The following CNTN4 variants were observed in gnomAD, a reference collection of about 807,000 sequenced individuals.
CNTN4 encodes the protein contactin-4.
In CNTN4, 77 loss-of-function variants were observed where a neutral mutation model predicts 122.5. The observed-to-expected ratio is 0.63, with a 90% confidence interval of 0.52 to 0.76. The LOEUF (loss-of-function observed/expected upper bound fraction) is 0.76, where lower values mean the gene tolerates loss of function less well. Among genes scored for constraint, CNTN4 ranks in the 30% least tolerant of loss-of-function variants. The pLI is 0.00. For synonymous variants in CNTN4, 512 were observed against 447.0 expected (o/e 1.15, Z -1.83); for missense variants, 1,256 against 1,259.1 (o/e 1.00, Z 0.04).
intron 3 of CNTN4, among the ~76,000 whole-genome samples, chr3:2,429,872 C>T (rs1279363003): frequency 6.6e-6 from 1 of 152,146 alleles, no homozygotes; most frequent in South Asian, 2.1e-4. Flanking sequence ...GGGCATGGGA[C>T]CCTCCAAGCC....
chr3:2,623,677 C>G (rs531242705), intron 4 of CNTN4, among the ~76,000 whole-genome samples: 1 of 152,088 alleles, frequency 6.6e-6, no homozygotes, highest in Non-Finnish European at 1.5e-5. Context: ...AGCATAGAAA[C>G]CACTGTAGTA....
chr3:2,198,806 G>T (rs1306648455), intron 2 of CNTN4, among the ~76,000 whole-genome samples: 1 of 151,940 alleles, frequency 6.6e-6, no homozygotes, highest in Non-Finnish European at 1.5e-5. Flanking sequence ...AGTCATTATT[G>T]TCACAGATCC....
chr3:2,566,816 G>T (rs1264305329), intron 3 of CNTN4, among the ~76,000 whole-genome samples: 1 of 152,164 alleles, frequency 6.6e-6, no homozygotes, highest in Non-Finnish European at 1.5e-5. Context: ...GAAGAACTCA[G>T]TGTGCGTGAA....
chr3:3,043,769 A>T, intron 23 of CNTN4, 65 bp downstream of exon 23: 1 of 1,013,372 alleles, frequency 9.9e-7, no homozygotes, highest in South Asian at 1.3e-5. Flanking sequence ...CTCCTCCATG[A>T]ATTATACAGT....
intron 4 of CNTN4, among the ~76,000 whole-genome samples, chr3:2,704,533 C>G (rs1276945676): frequency 6.6e-6 from 1 of 151,990 alleles, no homozygotes; most frequent in East Asian, 1.9e-4. Context: ...AATGGGTTAT[C>G]TAATGCAGTG....
chr3:2,985,072 A>G (rs1694424497), intron 13 of CNTN4, among the ~76,000 whole-genome samples: 1 of 152,232 alleles, frequency 6.6e-6, no homozygotes, highest in Non-Finnish European at 1.5e-5. Flanking sequence ...TGAATGAACA[A>G]AAGGCCTTCT....
chr3:2,765,315 G>A (rs1160291312), intron 6 of CNTN4, among the ~76,000 whole-genome samples: 1 of 152,196 alleles, frequency 6.6e-6, no homozygotes, highest in Non-Finnish European at 1.5e-5. Context: ...TGCTAACGAA[G>A]TCAGGAAAAG....
intron 2 of CNTN4, among the ~76,000 whole-genome samples, chr3:2,201,138 G>A (rs778598756): frequency 4.6e-5 from 7 of 151,946 alleles, no homozygotes; most frequent in Non-Finnish European, 5.9e-5. Flanking sequence ...AACACCCCAC[G>A]CTACACTCTA....
At chr3:3,030,072 A>G (rs146662780) in intron 15 of CNTN4, among the ~76,000 whole-genome samples, 1 of 152,240 alleles carries the variant, frequency 6.6e-6, no homozygotes, top group African/African-American at 2.4e-5. Context: ...TCAAGCAGCT[A>G]TTCTCCAAAC....
intron 4 of CNTN4, among the ~76,000 whole-genome samples, chr3:2,640,175 A>G (rs937508260): frequency 4.6e-5 from 7 of 152,336 alleles, no homozygotes; most frequent in South Asian, 2.1e-4. Flanking sequence ...TCAAATGGCA[A>G]TGTTGGAGAA....
At chr3:2,462,870 A>G (rs2049279395) in intron 3 of CNTN4, among the ~76,000 whole-genome samples, 1 of 152,194 alleles carries the variant, frequency 6.6e-6, no homozygotes, top group South Asian at 2.1e-4. Context: ...AAATTCCTAA[A>G]ATAGTATCAT....
intron 4 of CNTN4, among the ~76,000 whole-genome samples, chr3:2,574,158 G>T (rs938396601): frequency 6.6e-6 from 1 of 152,202 alleles, no homozygotes; most frequent in Non-Finnish European, 1.5e-5. Context: ...GGAGGTTGCG[G>T]TGAGCCGAGA....
intron 3 of CNTN4, among the ~76,000 whole-genome samples, chr3:2,397,442 A>C (rs536279288): frequency 6.6e-6 from 1 of 151,904 alleles, no homozygotes; most frequent in South Asian, 2.1e-4. Context: ...TTATAAGCTT[A>C]AATTCTGTTC....
In CNTN4 at chr3:2,535,625, G is replaced by C. The variant is rs113470922; in HGVS notation, c.-88-35791G>C. Among the ~76,000 whole-genome samples the C allele has an allele frequency of 4.6e-3, 698 of 152,154 alleles. 7 individuals are homozygous for C. The highest frequency in any genetic ancestry group is 0.016 in the African/African-American group (660 of 41,514). On this transcript the variant is annotated intron_variant, in intron 3 of 24. Coordinates refer to ENST00000418658, the MANE Select transcript of CNTN4 (RefSeq NM_175607.3). ...CTTGGACTAGCCCTTTCATGATAGA[G>C]ATTCCTATGTTCTAATCTATTCCTA...
At chr3:2,661,188 G>A (rs540590922) in intron 4 of CNTN4, among the ~76,000 whole-genome samples, 3 of 152,250 alleles carry the variant, frequency 2.0e-5, no homozygotes, top group East Asian at 1.9e-4. Flanking sequence ...AATACACTAA[G>A]CATGATTTAG....
intron 3 of CNTN4, among the ~76,000 whole-genome samples, chr3:2,450,640 T>C (rs752103430): frequency 6.6e-6 from 1 of 152,024 alleles, no homozygotes; most frequent in Non-Finnish European, 1.5e-5. Context: ...AAAAAAGAAC[T>C]AAGGAGCCAA....
At chr3:2,702,443 C>T (rs1393140644) in intron 4 of CNTN4, among the ~76,000 whole-genome samples, 1 of 152,184 alleles carries the variant, frequency 6.6e-6, no homozygotes, top group Non-Finnish European at 1.5e-5. Context: ...AAGTCTATGA[C>T]AAATATATTC....
intron 3 of CNTN4, among the ~76,000 whole-genome samples, chr3:2,462,662 A>G (rs1422887070): frequency 2.6e-5 from 4 of 152,248 alleles, no homozygotes. Flanking sequence ...AGGAATAAAA[A>G]TATTTTTATA....
chr3:2,156,784 C>G (rs2035740704), intron 2 of CNTN4, among the ~76,000 whole-genome samples: 1 of 152,064 alleles, frequency 6.6e-6, no homozygotes, highest in Non-Finnish European at 1.5e-5. Context: ...TTGAAAGATA[C>G]CATGAAGAAG....
Sources: gnomAD v4.1 joint callset for allele counts (sites outside exome capture counted in the v4.1 genomes callset) on GRCh38, gnomAD v4.1.1 for gene constraint, MANE v1.5 for transcripts, NCBI Gene and HGNC (gene_info 2026-07-23, HGNC 2026-07-21) for gene names.